The following CARD8 variants were observed in gnomAD, a reference collection of about 807,000 sequenced individuals.
CARD8 encodes caspase recruitment domain family member 8, also known as caspase recruitment domain-containing protein 8.
CARD8 carries 38 observed loss-of-function variants against 53.2 expected under a neutral mutation model. The ratio of observed to expected loss-of-function variants is 0.71; its 90% CI spans 0.55 to 0.94. The LOEUF (loss-of-function observed/expected upper bound fraction) is 0.94, where lower values mean the gene tolerates loss of function less well. CARD8 is among the 40% of genes least tolerant of loss of function. The pLI, the probability that CARD8 is intolerant of heterozygous loss-of-function variation, is 0.00. For missense variants in CARD8, 561 were observed against 655.5 expected, an observed-to-expected ratio of 0.86 and a Z score of 1.57; for synonymous variants, 245 against 244.9, an observed-to-expected ratio of 1.00 and a Z score of 0.00.
intron 3 of CARD8, among the ~76,000 whole-genome samples, chr19:48,242,190 T>C (rs2045274782): frequency 6.6e-6 from 1 of 152,168 alleles, no homozygotes; most frequent in Admixed American, 6.5e-5. Context: ...GATGAGGTCA[T>C]GAGGGTGGAA....
At chr19:48,217,282 A>G (rs1054580830) in intron 12 of CARD8, among the ~76,000 whole-genome samples, 1 of 152,202 alleles carries the variant, frequency 6.6e-6, no homozygotes, top group Non-Finnish European at 1.5e-5. Context: ...TGGTCTACAC[A>G]GTCAACACTG....
At chr19:48,250,899 A>G (rs2046856157) in intron 1 of CARD8, among the ~76,000 whole-genome samples, 1 of 152,242 alleles carries the variant, frequency 6.6e-6, no homozygotes, top group Non-Finnish European at 1.5e-5. Flanking sequence ...GGAGAAATAC[A>G]AAGTAAGGGG....
downstream of CARD8, among the ~76,000 whole-genome samples, chr19:48,205,363 G>T (rs1051979460): frequency 2.0e-5 from 3 of 151,970 alleles, no homozygotes; most frequent in African/African-American, 7.3e-5. Context: ...CCGAGTAGCT[G>T]GGATTACAGG....
intron 10 of CARD8, among the ~76,000 whole-genome samples, chr19:48,224,357 T>C (rs1275792477): frequency 6.6e-6 from 1 of 152,224 alleles, no homozygotes; most frequent in Non-Finnish European, 1.5e-5. Context: ...CATTTAGGCA[T>C]GTAACCAACA....
downstream of CARD8, chr19:48,203,753 TAGC>T (rs1362102714): frequency 6.2e-6 from 1 of 162,066 alleles, no homozygotes; most frequent in African/African-American, 2.4e-5. Flanking sequence ...GCAGACTGCC[TAGC>T]AGAACTAGCC....
intron 10 of CARD8, among the ~76,000 whole-genome samples, chr19:48,226,453 G>A (rs1038516499): frequency 6.6e-6 from 1 of 152,242 alleles, no homozygotes; most frequent in African/African-American, 2.4e-5. Flanking sequence ...TCGAACTCCT[G>A]GCCTCAAGTG....
chr19:48,254,073 ATTAAG>A (rs1437888862), intron 1 of CARD8, among the ~76,000 whole-genome samples: 1 of 152,216 alleles, frequency 6.6e-6, no homozygotes, highest in African/African-American at 2.4e-5. Context: ...TAATGCACAG[ATTAAG>A]TTATCTGAAT....
At chr19:48,219,761 G>A (rs900995656) in intron 11 of CARD8, among the ~76,000 whole-genome samples, 7 of 152,090 alleles carry the variant, frequency 4.6e-5, no homozygotes, top group Non-Finnish European at 8.8e-5. Context: ...CTTGAGGTCA[G>A]GAGCTCAAGA....
intron 5 of CARD8, among the ~76,000 whole-genome samples, chr19:48,236,759 T>C (rs2043961369): frequency 6.6e-6 from 1 of 152,114 alleles, no homozygotes; most frequent in Non-Finnish European, 1.5e-5. Flanking sequence ...CTGTTTGTAT[T>C]GGGTCATTCT....
intron 11 of CARD8, among the ~76,000 whole-genome samples, chr19:48,220,954 AAAGGAAGG>A (rs373278605): frequency 1.8e-4 from 18 of 101,268 alleles, no homozygotes; most frequent in African/African-American, 5.1e-4. Flanking sequence ...AAAGGAAAGG[AAAGGAAGG>A]AAGGAAGGAA....
intron 12 of CARD8, among the ~76,000 whole-genome samples, chr19:48,218,353 C>CTTTTTTTTTTTTTTTTTTTTTTT (rs770280304): frequency 9.2e-6 from 1 of 109,002 alleles, no homozygotes; most frequent in African/African-American, 3.5e-5. Flanking sequence ...TTATCTTCTT[C>CTTTTTTTTTTTTTTTTTTTTTTT]TTTTTTTTTT....
At chr19:48,204,604 AC>A (rs755364138), downstream of CARD8, among the ~76,000 whole-genome samples, 11 of 152,156 alleles carry the variant, frequency 7.2e-5, no homozygotes, top group Non-Finnish European at 1.3e-4. Context: ...GAAGCCAGGC[AC>A]AGTTGACAGT....
intron 7 of CARD8, 131 bp downstream of exon 7, chr19:48,232,322 C>T: frequency 1.2e-6 from 1 of 810,946 alleles, no homozygotes; most frequent in South Asian, 1.5e-5. Context: ...CTGCACAGTG[C>T]ACTGTGGCAA....
chr19:48,207,742 T>TTTTTTTTTTTTTTTTTTTTTC (rs1568595977), downstream of CARD8, among the ~76,000 whole-genome samples: 3 of 132,436 alleles, frequency 2.3e-5, no homozygotes, highest in African/African-American at 2.8e-5. Context: ...CTGTTTTTTT[T>TTTTTTTTTTTTTTTTTTTTTC]TTTTTTTTTT....
Position 48,230,838 on chromosome 19 carries a change from G to C in CARD8, c.711C>G (p.Val237=). The change falls in exon 9 of 14, where the codon GTC becomes GTG. Residue 237 remains valine, a synonymous_variant. Coordinates refer to ENST00000651546, the MANE Select transcript of CARD8 (RefSeq NM_001184900.3). ...QWLVGGPLFD[V]TAEPEEAVAE... Reference sequence around the variant, plus strand: ...CGACAGCCTCCTCTGGCTCTGCAGTGACATCAAACAAGGGGCCGCCCACCA... The same window carrying C: ...CGACAGCCTCCTCTGGCTCTGCAGTCACATCAAACAAGGGGCCGCCCACCA... 6.2e-7 allele frequency: 1 copy of C among 1,614,160 alleles called. No individual in the cohort carries two copies. Among genetic ancestry groups the C allele is most frequent in the Middle Eastern group, 1.6e-4 (1 of 6,062 alleles).
At chr19:48,224,272 C>T (rs1292594864) in intron 10 of CARD8, among the ~76,000 whole-genome samples, 4 of 151,998 alleles carry the variant, frequency 2.6e-5, no homozygotes, top group Non-Finnish European at 5.9e-5. Flanking sequence ...TTCATAGCAG[C>T]CACATTTTTT....
chr19:48,239,022 G>A (rs1472532849), intron 4 of CARD8, among the ~76,000 whole-genome samples: 1 of 152,216 alleles, frequency 6.6e-6, no homozygotes, highest in Non-Finnish European at 1.5e-5. Context: ...GCTTCTGAAA[G>A]GATACTGTGT....
intron 6 of CARD8, chr19:48,233,556 G>C (rs2043305125): frequency 5.5e-6 from 2 of 362,644 alleles, no homozygotes; most frequent in South Asian, 4.1e-5. Context: ...GGTAGCTACA[G>C]GCAAAGCAGC....
rs751288332 is a variant in CARD8, at chr19:48,211,743, G to GT, written c.1580dup (p.Tyr527Ter). 5.6e-6 allele frequency: 9 copies of GT among 1,613,982 alleles called. No homozygotes were observed. Among genetic ancestry groups the GT allele is most frequent in the Non-Finnish European group, 5.9e-6 (7 of 1,179,994 alleles). Residue 527 changes from tyrosine (Y) to a stop codon, truncating the protein, a stop_gained and frameshift_variant, in exon 14 of 14, where the codon TAC (tyrosine) becomes TAAC (stop). Transcript: ENST00000651546. LOFTEE classifies it high-confidence loss of function. ...TCTGCTGTCTAAGATAGGACACGAG[G>GT]TAAGGGTCCCTTTCACTAATGCTTC... The part of the protein sequence containing the change: ...LFRSISERDP[Y>*]LVSYLRQQNL
Sources: gnomAD v4.1 joint callset for allele counts (sites outside exome capture counted in the v4.1 genomes callset) on GRCh38, gnomAD v4.1.1 for gene constraint, MANE v1.5 for transcripts, NCBI Gene and HGNC (gene_info 2026-07-23, HGNC 2026-07-21) for gene names.